The following INVS variants were observed in gnomAD, a reference collection of about 807,000 sequenced individuals.
INVS encodes inversion of embryo turning homolog.
Under a neutral mutation model 108.8 loss-of-function variants are expected in INVS, and 86 were observed. The observed-to-expected ratio is 0.79, with a 90% confidence interval of 0.66 to 0.95. The LOEUF (loss-of-function observed/expected upper bound fraction) is 0.95. Among genes scored for constraint, INVS ranks in the 40% least tolerant of loss-of-function variants. The pLI is 0.00. For missense variants in INVS, 1,169 were observed against 1,297.4 expected, an observed-to-expected ratio of 0.90 and a Z score of 1.52; for synonymous variants, 455 against 473.5, an observed-to-expected ratio of 0.96 and a Z score of 0.51.
intron 11 of INVS, among the ~76,000 whole-genome samples, chr9:100,272,435 T>A (rs927241090): frequency 6.6e-6 from 1 of 152,240 alleles, no homozygotes; most frequent in Non-Finnish European, 1.5e-5. Flanking sequence ...ATATACTGAA[T>A]TTCTCCTTTT....
At chr9:100,207,408 C>A (rs757557362) in intron 3 of INVS, among the ~76,000 whole-genome samples, 9 of 152,258 alleles carry the variant, frequency 5.9e-5, no homozygotes, top group Admixed American at 2.6e-4. Context: ...ATTCTCATGA[C>A]TCAGCCTCCC....
chr9:100,226,044 CTCTT>C lies in INVS; in HGVS notation c.274-17_274-14del. 7 of 1,569,854 alleles carry C rather than the reference CTCTT, an allele frequency of 4.5e-6. No individual in the cohort carries two copies. The highest frequency in any genetic ancestry group is 5.2e-6 in the Non-Finnish European group (6 of 1,153,676). ...CCATAGTACATTTTTTTCTTATCAT[CTCTT>C]GTTTTTTATTTAGGGAAATTATCGT... On this transcript the variant is annotated splice_polypyrimidine_tract_variant and intron_variant, in intron 3 of 16. Transcript: ENST00000262457.
chr9:100,128,976 G>A (rs1286574758), intron 3 of INVS, among the ~76,000 whole-genome samples: 1 of 152,052 alleles, frequency 6.6e-6, no homozygotes, highest in Non-Finnish European at 1.5e-5. Context: ...CTTGAGGCCA[G>A]GAGTTTGAGA....
In INVS at chr9:100,272,981, A is replaced by G. The variant is rs752426151; in HGVS notation, c.1689A>G (p.Gln563=). The G allele has an allele frequency of 2.5e-6, 4 of 1,614,068 alleles. No homozygotes were observed. In the South Asian group the frequency reaches 4.4e-5, roughly 18 times the overall value. The change falls in exon 12 of 17, where the codon CAA becomes CAG. Residue 563 remains glutamine (Q), a synonymous_variant. Transcript: ENST00000262457. The stretch of plus-strand genomic sequence containing the variant: ...AAGACATCGCCGCCTTCAAAATCCA[A>G]GCTGTCTACAAAGGGTACAAGGTCA... The part of the protein sequence containing the change: ...AIQDIAAFKI[Q]AVYKGYKVRK...
intron 11 of INVS, among the ~76,000 whole-genome samples, chr9:100,269,493 T>A (rs1372501326): frequency 6.6e-6 from 1 of 152,220 alleles, no homozygotes; most frequent in Non-Finnish European, 1.5e-5. Context: ...TGTCCTAAAA[T>A]AGAGGTTCCT....
intron 3 of INVS, among the ~76,000 whole-genome samples, chr9:100,178,740 T>C (rs1049061443): frequency 6.6e-6 from 1 of 152,126 alleles, no homozygotes; most frequent in African/African-American, 2.4e-5. Flanking sequence ...CGGGAGAACT[T>C]TCCCCACCTA....
In INVS at chr9:100,300,920, T is replaced by C. The variant is rs1833946913; in HGVS notation, c.*246T>C. 2 of 536,370 alleles carry C rather than the reference T, an allele frequency of 3.7e-6. No individual in the cohort carries two copies. Among genetic ancestry groups the C allele is most frequent in the Non-Finnish European group, 3.4e-6 (1 of 297,872 alleles). 33.2% of individuals were successfully genotyped at this position (536,370 alleles called of 1,614,324 possible). ...CTGCATAGACTATGTCTGTGCAAAG[T>C]GCCTGAGTGTCTGCTTTCACCTCAG... On this transcript the variant is annotated 3_prime_UTR_variant, in exon 17 of 17. Coordinates refer to ENST00000262457, the MANE Select transcript of INVS (RefSeq NM_014425.5).
At chr9:100,281,908 C>T (rs572826085) in intron 12 of INVS, among the ~76,000 whole-genome samples, 1 of 152,260 alleles carries the variant, frequency 6.6e-6, no homozygotes, top group African/African-American at 2.4e-5. Context: ...TACAGAGAGG[C>T]TTCTTGGAAT....
chr9:100,242,880 A>T (rs1831925108), intron 7 of INVS, among the ~76,000 whole-genome samples: 1 of 152,184 alleles, frequency 6.6e-6, no homozygotes, highest in African/African-American at 2.4e-5. Flanking sequence ...TCTAATGATA[A>T]CATCCAATAC....
In INVS at chr9:100,252,311, T is replaced by C. The variant is rs760637052; in HGVS notation, c.1107T>C (p.His369=). 3.1e-5 allele frequency: 50 copies of C among 1,613,898 alleles called. No individual in the cohort carries two copies. In the Middle Eastern group the frequency reaches 8.2e-4, roughly 27 times the overall value. The change falls in exon 9 of 17, where the codon CAT becomes CAC. Residue 369 remains histidine (H), a synonymous_variant. Coordinates refer to ENST00000262457, the MANE Select transcript of INVS (RefSeq NM_014425.5). ...TALHAAALSG[H]VSTVKLLLEN... Reference sequence around the variant, plus strand: ...TGCATGCTGCTGCTCTTTCTGGCCATGTCAGCACCGTGAAGTTATTACTGG... The same window carrying C: ...TGCATGCTGCTGCTCTTTCTGGCCACGTCAGCACCGTGAAGTTATTACTGG...
intron 3 of INVS, among the ~76,000 whole-genome samples, chr9:100,188,227 A>T (rs1349234167): frequency 4.0e-5 from 6 of 151,716 alleles, no homozygotes; most frequent in Admixed American, 3.9e-4. Flanking sequence ...AATAGAAATG[A>T]TGAAAGTGGG....
rs1245384768 is a variant in INVS, at chr9:100,300,553, ATTTGTT to A, written c.3092-11_3092-6del. 4.1e-6 allele frequency: 6 copies of A among 1,479,204 alleles called. No homozygotes were observed. The highest frequency in any genetic ancestry group is 2.3e-5 in the East Asian group (1 of 44,240). 91.6% of individuals were successfully genotyped at this position (1,479,204 alleles called of 1,614,324 possible). ...TTAATAACCTTAATATCTATCTGGT[ATTTGTT>A]TTTAACAGTGAGCAACCTACAGTGT... On this transcript the variant is annotated splice_polypyrimidine_tract_variant and intron_variant, in intron 16 of 16. Coordinates refer to ENST00000262457, the MANE Select transcript of INVS (RefSeq NM_014425.5).
chr9:100,196,133 C>T (rs1019246619), intron 3 of INVS, among the ~76,000 whole-genome samples: 4 of 151,918 alleles, frequency 2.6e-5, no homozygotes, highest in African/African-American at 4.8e-5. Context: ...TTTTTCTTTT[C>T]GATTTGGTAG....
At chr9:100,108,611 A>G (rs1330256063) in intron 2 of INVS, among the ~76,000 whole-genome samples, 1 of 152,196 alleles carries the variant, frequency 6.6e-6, no homozygotes, top group African/African-American at 2.4e-5. Flanking sequence ...TAAACTAGTG[A>G]CATAGTACTA....
rs184769752 is a variant in INVS, at chr9:100,287,550, G to A, written c.2068+2947G>A. On this transcript the variant is annotated intron_variant, in intron 13 of 16. Coordinates refer to ENST00000262457, the MANE Select transcript of INVS (RefSeq NM_014425.5). Reference sequence around the variant, plus strand: ...GTCCCCACCCAAATTCCCAGTGTTCGGGGAGGGACTTGGTGGGAGGTAATT... The same window carrying A: ...GTCCCCACCCAAATTCCCAGTGTTCAGGGAGGGACTTGGTGGGAGGTAATT... Among the ~76,000 whole-genome samples the A allele has an allele frequency of 1.6e-4, 24 of 152,250 alleles. 1 individual carries two copies. The East Asian group carries it at 4.6e-3, about 29-fold the overall frequency.
intron 5 of INVS, among the ~76,000 whole-genome samples, chr9:100,239,725 AT>A (rs1470380638): frequency 6.6e-6 from 1 of 152,154 alleles, no homozygotes; most frequent in East Asian, 1.9e-4. Context: ...TAATCCCAGC[AT>A]TTTGGGAGGC....
At chr9:100,196,976 C>A (rs1468479562) in intron 3 of INVS, among the ~76,000 whole-genome samples, 1 of 152,148 alleles carries the variant, frequency 6.6e-6, no homozygotes, top group Admixed American at 6.5e-5. Flanking sequence ...AGCAAGCAAG[C>A]AGTCAGTTCT....
At chr9:100,199,512 A>G (rs750439206) in intron 3 of INVS, among the ~76,000 whole-genome samples, 13 of 151,936 alleles carry the variant, frequency 8.6e-5, no homozygotes, top group Non-Finnish European at 1.8e-4. Flanking sequence ...TAGTTCTTCA[A>G]TTGGCTCTTT....
intron 14 of INVS, 23 bp from the exon 15 acceptor site, chr9:100,296,894 C>T: frequency 5.0e-6 from 8 of 1,590,072 alleles, no homozygotes; most frequent in Non-Finnish European, 6.9e-6. Context: ...CTTAAAGCCT[C>T]TCCTCTCCTC....
Sources: gnomAD v4.1 joint callset for allele counts (sites outside exome capture counted in the v4.1 genomes callset) on GRCh38, gnomAD v4.1.1 for gene constraint, MANE v1.5 for transcripts, NCBI Gene and HGNC (gene_info 2026-07-23, HGNC 2026-07-21) for gene names.